PRKCE: variants seen among roughly 807,000 people sequenced by gnomAD.
PRKCE encodes protein kinase C epsilon type.
In PRKCE, 16 loss-of-function variants were observed where a neutral mutation model predicts 85.4. That is an observed-to-expected ratio of 0.19 (90% CI 0.13 to 0.28). The LOEUF (loss-of-function observed/expected upper bound fraction) is 0.28, where lower values mean the gene tolerates loss of function less well. Among genes scored for constraint, PRKCE ranks in the 10% least tolerant of loss-of-function variants. The pLI is 1.00. For missense variants in PRKCE, 573 were observed against 975.2 expected (o/e 0.59, Z 5.49); for synonymous variants, 388 against 371.5 (o/e 1.04, Z -0.51).
At chr2:45,765,285 G>T (rs1200145830) in intron 1 of PRKCE, among the ~76,000 whole-genome samples, 1 of 152,182 alleles carries the variant, frequency 6.6e-6, no homozygotes, top group Non-Finnish European at 1.5e-5. Context: ...TAAGCTTTCT[G>T]AAGAGGTTTT....
At chr2:46,167,050 C>T (rs1678408993) in intron 14 of PRKCE, 1 of 152,228 alleles carries the variant, frequency 6.6e-6, no homozygotes, top group Non-Finnish European at 1.5e-5. Context: ...TGTAGATTCT[C>T]AATGAATTTT....
At position 45,884,976 on chromosome 2, in the gene PRKCE, TATATATATATATATATATA is replaced by T. The variant is rs1558792955; in HGVS notation, c.412+41914_412+41932del. Among the ~76,000 whole-genome samples the T allele has an allele frequency of 7.8e-4, 54 of 69,134 alleles. 1 individual carries two copies. Among genetic ancestry groups the T allele is most frequent in the Non-Finnish European group, 1.3e-3 (41 of 30,962 alleles). The allele number at this position is 69,134 out of a possible 152,430, so 45.4% of individuals were successfully genotyped here. ...ATCCATATATATATATATATATATATATATATATATATATATATATATATATTTGTTGTTGTTGTTGTTG... is the reference window on the plus strand; with the variant it reads ...ATCCATATATATATATATATATATATTATATATTTGTTGTTGTTGTTGTTG... On this transcript the variant is annotated intron_variant, in intron 2 of 14. Transcript: ENST00000306156.
intron 5 of PRKCE, among the ~76,000 whole-genome samples, chr2:45,980,992 C>G (rs759262332): frequency 2.0e-5 from 3 of 152,240 alleles, no homozygotes; most frequent in Non-Finnish European, 4.4e-5. Context: ...CCCAAAATCA[C>G]ACAGCTAAGA....
chr2:46,109,941 G>A (rs1423291950), intron 11 of PRKCE, among the ~76,000 whole-genome samples: 1 of 152,060 alleles, frequency 6.6e-6, no homozygotes. Flanking sequence ...TGCTTCATCT[G>A]CATTAATTGA....
At chr2:46,089,556 T>G (rs552412137) in intron 11 of PRKCE, among the ~76,000 whole-genome samples, 1 of 152,134 alleles carries the variant, frequency 6.6e-6, no homozygotes, top group South Asian at 2.1e-4. Context: ...CCTTATAAGA[T>G]AAAGTCCAAA....
chr2:45,763,000 G>T (rs1047183157), intron 1 of PRKCE, among the ~76,000 whole-genome samples: 4 of 150,486 alleles, frequency 2.7e-5, no homozygotes, highest in African/African-American at 9.9e-5. Context: ...CACCCAGGCT[G>T]GAGTGCAGTG....
intron 2 of PRKCE, among the ~76,000 whole-genome samples, chr2:45,888,107 C>T (rs1396275067): frequency 1.3e-5 from 2 of 152,144 alleles, no homozygotes; most frequent in East Asian, 1.9e-4. Context: ...AACATGGAAT[C>T]GTTGTGAATA....
intron 11 of PRKCE, among the ~76,000 whole-genome samples, chr2:46,143,373 G>A (rs1177169778): frequency 6.6e-6 from 1 of 152,140 alleles, no homozygotes; most frequent in African/African-American, 2.4e-5. Flanking sequence ...GGCCCCAGCT[G>A]TCAGCTTCTC....
chr2:46,008,726 T>G (rs1705411793), intron 9 of PRKCE, among the ~76,000 whole-genome samples: 1 of 152,198 alleles, frequency 6.6e-6, no homozygotes, highest in South Asian at 2.1e-4. Context: ...ATTACATTCT[T>G]TAGAGACTGA....
rs1313186583 is a variant in PRKCE, at chr2:45,680,261, G to T, written c.348+27813G>T. Among the ~76,000 whole-genome samples, 4 of 152,216 alleles carry T rather than the reference G, an allele frequency of 2.6e-5. No homozygotes were observed. In the East Asian group the frequency reaches 7.7e-4, roughly 29 times the overall value. On this transcript the variant is annotated intron_variant, in intron 1 of 14. Transcript: ENST00000306156. ...TGGTGGACACCAGCAATCTTAGGAG[G>T]TCTAGCAGCAAGACTGGTTCTTGCC...
rs534314916 is a variant in PRKCE, at chr2:46,139,890, G to A, written c.1593-5203G>A. The stretch of plus-strand genomic sequence containing the variant: ...GCTTTTAATTCTAGTTCATGGCTGC[G>A]TAGCTATGTGCCTGGCTTAAAAAAT... On this transcript the variant is annotated intron_variant, in intron 11 of 14. Transcript: ENST00000306156. The surrounding 1 kb of genome is among the most constrained non-coding windows in gnomAD (Gnocchi z 5.2). Among the ~76,000 whole-genome samples the A allele has an allele frequency of 6.2e-4, 95 of 152,146 alleles. No individual in the cohort carries two copies. Among genetic ancestry groups the A allele is most frequent in the African/African-American group, 1.9e-3 (80 of 41,506 alleles).
intron 2 of PRKCE, among the ~76,000 whole-genome samples, chr2:45,920,739 G>C (rs1409852764): frequency 6.6e-6 from 1 of 152,156 alleles, no homozygotes; most frequent in Admixed American, 6.5e-5. Flanking sequence ...TGGGGAATTG[G>C]AGAACAGGGG....
chr2:45,925,734 C>G (rs566418611), intron 2 of PRKCE, among the ~76,000 whole-genome samples: 20 of 152,332 alleles, frequency 1.3e-4, no homozygotes, highest in African/African-American at 4.6e-4. Flanking sequence ...CAAGGATCAC[C>G]TAGACTGAGC....
At chr2:45,670,429 G>C (rs78622565) in intron 1 of PRKCE, among the ~76,000 whole-genome samples, 2,085 of 152,234 alleles carry the variant, frequency 0.014, 39 homozygotes, top group African/African-American at 0.048. Flanking sequence ...TTTTAAATAT[G>C]AAAATTGAAC....
intron 2 of PRKCE, among the ~76,000 whole-genome samples, chr2:45,865,146 T>A (rs1693483846): frequency 6.6e-6 from 1 of 152,238 alleles, no homozygotes. Context: ...CCTGAGATTC[T>A]GCTTTTCTAA....
chr2:45,751,364 T>A (rs566591141), intron 1 of PRKCE, among the ~76,000 whole-genome samples: 1 of 152,374 alleles, frequency 6.6e-6, no homozygotes, highest in East Asian at 1.9e-4. Context: ...CATCATTATA[T>A]AATTATATTA....
chr2:46,081,863 A>G (rs951227033), intron 10 of PRKCE, among the ~76,000 whole-genome samples: 1 of 152,194 alleles, frequency 6.6e-6, no homozygotes, highest in African/African-American at 2.4e-5. Context: ...TGGGAGGCCA[A>G]GGTGAGTGGA....
intron 1 of PRKCE, among the ~76,000 whole-genome samples, chr2:45,811,014 T>A (rs1413999914): frequency 6.6e-6 from 1 of 152,226 alleles, no homozygotes; most frequent in Non-Finnish European, 1.5e-5. Context: ...TTGCTTTCTC[T>A]TACGGAAAGT....
At chr2:45,924,984 G>A (rs773467399) in intron 2 of PRKCE, among the ~76,000 whole-genome samples, 8 of 152,188 alleles carry the variant, frequency 5.3e-5, no homozygotes, top group Non-Finnish European at 1.0e-4. Context: ...GACATCAAGG[G>A]CTGCACAGCC....
Sources: gnomAD v4.1 joint callset for allele counts (sites outside exome capture counted in the v4.1 genomes callset) on GRCh38, gnomAD v4.1.1 for gene constraint, Gnocchi (gnomAD v3.1) non-coding constraint, MANE v1.5 for transcripts, NCBI Gene and HGNC (gene_info 2026-07-23, HGNC 2026-07-21) for gene names.